Variants in FAM184B observed in about 807,000 individuals in gnomAD.
FAM184B encodes the protein protein FAM184B.
FAM184B carries 111 observed loss-of-function variants against 135.9 expected under a neutral mutation model. The observed-to-expected ratio is 0.82, with a 90% CI of 0.70 to 0.96. The LOEUF (loss-of-function observed/expected upper bound fraction) is 0.96, where lower values mean the gene tolerates loss of function less well. Ranked by LOEUF, FAM184B falls within the 40% of genes least tolerant of loss-of-function variation. The pLI is 0.00. For missense variants in FAM184B, 1,375 were observed against 1,323.9 expected, an observed-to-expected ratio of 1.04 and a Z score of -0.60; for synonymous variants, 552 against 524.8, an observed-to-expected ratio of 1.05 and a Z score of -0.71.
At chr4:17,704,979 C>T in intron 5 of FAM184B, 21 bp downstream of exon 5, 1 of 1,545,618 alleles carries the variant, frequency 6.5e-7, no homozygotes, top group Non-Finnish European at 8.7e-7. Flanking sequence ...CCAGAACAGT[C>T]TCTATGGAAG....
intron 1 of FAM184B, among the ~76,000 whole-genome samples, chr4:17,765,118 T>C (rs971917290): frequency 1.3e-5 from 2 of 152,190 alleles, no homozygotes; most frequent in African/African-American, 4.8e-5. Context: ...CGAGTGTTGC[T>C]CCCATGGAGT....
intron 14 of FAM184B, among the ~76,000 whole-genome samples, chr4:17,637,264 T>C (rs1380660190): frequency 6.6e-6 from 1 of 152,186 alleles, no homozygotes; most frequent in African/African-American, 2.4e-5. Flanking sequence ...CCTGACCTCG[T>C]GATCCGCCCT....
chr4:17,636,051 GCCT>G (rs1715123559), intron 15 of FAM184B, among the ~76,000 whole-genome samples: 2 of 149,696 alleles, frequency 1.3e-5, no homozygotes, highest in African/African-American at 2.5e-5. Context: ...ATTTTTTTTT[GCCT>G]CCTATTTTCC....
At chr4:17,743,660 T>C (rs1577286115) in intron 1 of FAM184B, among the ~76,000 whole-genome samples, 1 of 152,326 alleles carries the variant, frequency 6.6e-6, no homozygotes, top group East Asian at 1.9e-4. Context: ...CAGATACTCC[T>C]GTAAGCAGAT....
At chr4:17,720,209 C>T (rs1220085496) in intron 1 of FAM184B, among the ~76,000 whole-genome samples, 1 of 152,310 alleles carries the variant, frequency 6.6e-6, no homozygotes, top group East Asian at 1.9e-4. Flanking sequence ...GAACGTCATA[C>T]TCATGTATTC....
At chr4:17,654,193 C>CTT (rs199536597) in intron 10 of FAM184B, among the ~76,000 whole-genome samples, 2,821 of 138,294 alleles carry the variant, frequency 0.02, 87 homozygotes, top group African/African-American at 0.07. Flanking sequence ...ATAGTTTCTG[C>CTT]TTTTTTTTTT....
At chr4:17,642,522 C>T (rs1011443202) in intron 12 of FAM184B, among the ~76,000 whole-genome samples, 4 of 152,202 alleles carry the variant, frequency 2.6e-5, no homozygotes, top group Non-Finnish European at 5.9e-5. Flanking sequence ...GCCAGGGTGC[C>T]CTCCATGCCT....
In FAM184B at chr4:17,781,142, G is replaced by A; in HGVS notation, c.141+17C>T. On this transcript the variant is annotated intron_variant, in intron 1 of 17. Coordinates refer to ENST00000265018, the MANE Select transcript of FAM184B (RefSeq NM_015688.2). This position sits in a 1 kb window ranked among gnomAD's most constrained non-coding sequence, Gnocchi z 6.5. ...CCCCGGGCGTGCAGCTCGCTGGCCC[G>A]CTGCGCCCCACCTTACCTTGGTGAG... 1.3e-6 allele frequency: 2 copies of A among 1,514,566 alleles called. No homozygotes were observed. Among genetic ancestry groups the A allele is most frequent in the Non-Finnish European group, 1.8e-6 (2 of 1,128,004 alleles). The allele number at this position is 1,514,566 out of a possible 1,614,324, so 93.8% of individuals were successfully genotyped here.
intron 1 of FAM184B, among the ~76,000 whole-genome samples, chr4:17,738,816 G>A (rs571383750): frequency 6.6e-6 from 1 of 152,192 alleles, no homozygotes; most frequent in South Asian, 2.1e-4. Flanking sequence ...CGGGCACAGT[G>A]AGTTTTCACT....
intron 1 of FAM184B, among the ~76,000 whole-genome samples, chr4:17,745,965 T>C (rs896630437): frequency 1.3e-5 from 2 of 152,196 alleles, no homozygotes; most frequent in African/African-American, 4.8e-5. Flanking sequence ...CAAAGAACTT[T>C]TTTTAAATTT....
At chr4:17,647,395 A>G (rs1313693967) in intron 12 of FAM184B, among the ~76,000 whole-genome samples, 2 of 151,934 alleles carry the variant, frequency 1.3e-5, no homozygotes, top group Non-Finnish European at 2.9e-5. Flanking sequence ...TTACAGGCAT[A>G]TGCCACCACG....
chr4:17,768,488 G>A (rs554459284), intron 1 of FAM184B, among the ~76,000 whole-genome samples: 21 of 152,216 alleles, frequency 1.4e-4, no homozygotes, highest in African/African-American at 4.1e-4. Flanking sequence ...TTGGTCAGGC[G>A]CTGGTCTTGA....
intron 11 of FAM184B, among the ~76,000 whole-genome samples, chr4:17,649,925 C>T (rs1715567488): frequency 6.7e-6 from 1 of 149,232 alleles, no homozygotes; most frequent in African/African-American, 2.6e-5. Flanking sequence ...TTCATCCATC[C>T]ACTGATCCAC....
chr4:17,754,015 T>G (rs1718364637), intron 1 of FAM184B, among the ~76,000 whole-genome samples: 1 of 152,132 alleles, frequency 6.6e-6, no homozygotes, highest in South Asian at 2.1e-4. Context: ...GTATGGCTCC[T>G]ACACAAGATA....
rs576140241 is a variant in FAM184B, at chr4:17,732,917, C to T, written c.142-23273G>A. On this transcript the variant is annotated intron_variant, in intron 1 of 17. Coordinates refer to ENST00000265018, the MANE Select transcript of FAM184B (RefSeq NM_015688.2). Reference sequence around the variant, plus strand: ...ATTTTAGACCAATATCCTTGATGAACATTGATGCAAGAATCCTCAATAAAA... The same window carrying T: ...ATTTTAGACCAATATCCTTGATGAATATTGATGCAAGAATCCTCAATAAAA... Among the ~76,000 whole-genome samples, 1,231 of 152,284 alleles carry T rather than the reference C, an allele frequency of 8.1e-3. 19 individuals are homozygous for T. The highest frequency in any genetic ancestry group is 0.027 in the African/African-American group (1,129 of 41,546).
intron 1 of FAM184B, among the ~76,000 whole-genome samples, chr4:17,773,663 C>T (rs1008112132): frequency 6.6e-6 from 1 of 152,046 alleles, no homozygotes; most frequent in African/African-American, 2.4e-5. Context: ...CTGCAACCTC[C>T]GCCTCCCGGG....
intron 1 of FAM184B, among the ~76,000 whole-genome samples, chr4:17,755,258 A>T (rs945803123): frequency 2.6e-5 from 4 of 152,230 alleles, no homozygotes; most frequent in African/African-American, 9.6e-5. Context: ...TTCATAAAAA[A>T]GCCTAGAAAC....
intron 1 of FAM184B, among the ~76,000 whole-genome samples, chr4:17,746,716 A>T (rs1718173794): frequency 6.9e-6 from 1 of 145,962 alleles, no homozygotes; most frequent in South Asian, 2.2e-4. Context: ...TAGGCGACAG[A>T]GCGAGACACG....
intron 1 of FAM184B, among the ~76,000 whole-genome samples, chr4:17,748,964 C>G (rs989517998): frequency 8.0e-5 from 12 of 150,132 alleles, no homozygotes; most frequent in Admixed American, 7.3e-4. Context: ...GTAGCTGAGA[C>G]TACAGGTGCT....
Sources: gnomAD v4.1 joint callset for allele counts (sites outside exome capture counted in the v4.1 genomes callset) on GRCh38, gnomAD v4.1.1 for gene constraint, Gnocchi (gnomAD v3.1) non-coding constraint, MANE v1.5 for transcripts, NCBI Gene and HGNC (gene_info 2026-07-23, HGNC 2026-07-21) for gene names.